EPB41L3: variants seen among roughly 807,000 people sequenced by gnomAD.
EPB41L3 encodes erythrocyte membrane protein band 4.1 like 3, also known as band 4.1-like protein 3.
Under a neutral mutation model 127.1 loss-of-function variants are expected in EPB41L3, and 57 were observed. The ratio of observed to expected loss-of-function variants is 0.45; its 90% confidence interval spans 0.36 to 0.56. The LOEUF (loss-of-function observed/expected upper bound fraction) is 0.56. EPB41L3 is among the 20% of genes least tolerant of loss of function. EPB41L3 has a pLI of 0.00. For synonymous variants in EPB41L3, 572 were observed against 549.5 expected (o/e 1.04, Z -0.57); for missense variants, 1,273 against 1,372.2 (o/e 0.93, Z 1.14).
chr18:5,403,440 A>G (rs190173202), intron 16 of EPB41L3, among the ~76,000 whole-genome samples: 5 of 152,260 alleles, frequency 3.3e-5, no homozygotes, highest in Admixed American at 3.3e-4. Context: ...TTTTCTTTGA[A>G]TTGTTCATAA....
At chr18:5,578,286 A>G (rs569314807) in intron 3 of EPB41L3, among the ~76,000 whole-genome samples, 1 of 152,332 alleles carries the variant, frequency 6.6e-6, no homozygotes, top group South Asian at 2.1e-4. Context: ...AGATCTCAAA[A>G]TGATCAAGAA....
intron 1 of EPB41L3, among the ~76,000 whole-genome samples, chr18:5,526,878 T>G (rs2093240350): frequency 6.6e-6 from 1 of 152,184 alleles, no homozygotes; most frequent in Non-Finnish European, 1.5e-5. Flanking sequence ...CTTATCTACT[T>G]GGTGCTTAAC....
chr18:5,404,061 T>C (rs368436250), intron 16 of EPB41L3, among the ~76,000 whole-genome samples: 2 of 152,212 alleles, frequency 1.3e-5, no homozygotes, highest in South Asian at 4.1e-4. Context: ...GGGCCCTCAA[T>C]TGGAGTATAA....
rs1249736999 is a variant in EPB41L3, at chr18:5,406,928, G to C, written c.2198C>G (p.Thr733Ser). The C allele has an allele frequency of 6.2e-7, 1 of 1,614,042 alleles. No homozygotes were observed. The highest frequency in any genetic ancestry group is 1.3e-5 in the African/African-American group (1 of 74,932). Residue 733 changes from threonine (T) to serine (S), a missense_variant, in exon 16 of 23, where the codon ACC becomes AGC. Coordinates refer to ENST00000341928, the MANE Select transcript of EPB41L3 (RefSeq NM_012307.5). The part of the protein sequence containing the change: ...KTQDDLMKHQ[T>S]NISELKRTFL... ...GGTTCTTTTCAGCTCGCTAATGTTG[G>C]TTTGATGTTTCATCAGGTCATCTTG...
intron 3 of EPB41L3, among the ~76,000 whole-genome samples, chr18:5,453,273 T>C (rs1369893153): frequency 1.3e-5 from 2 of 152,306 alleles, no homozygotes; most frequent in East Asian, 1.9e-4. Context: ...AACTGTCTTT[T>C]AGCCTTGGAA....
intron 13 of EPB41L3, among the ~76,000 whole-genome samples, chr18:5,415,133 T>A (rs914050077): frequency 1.2e-4 from 19 of 152,262 alleles, no homozygotes; most frequent in African/African-American, 4.6e-4. Flanking sequence ...TTAGTCCTTT[T>A]CTGATTGTGT....
At chr18:5,501,392 A>G (rs2091735542) in intron 1 of EPB41L3, among the ~76,000 whole-genome samples, 1 of 152,158 alleles carries the variant, frequency 6.6e-6, no homozygotes. Context: ...ATTCAATCTG[A>G]CCCCTAAAGC....
chr18:5,451,079 A>T (rs2082222975), intron 3 of EPB41L3, among the ~76,000 whole-genome samples: 1 of 152,200 alleles, frequency 6.6e-6, no homozygotes, highest in African/African-American at 2.4e-5. Flanking sequence ...TCTAATCCGA[A>T]TCATTCCTTC....
chr18:5,489,435 G>A (rs191069879), intron 1 of EPB41L3: 22 of 456,566 alleles, frequency 4.8e-5, no homozygotes, highest in African/African-American at 4.1e-4. Flanking sequence ...AATGATCACA[G>A]GCTTTATTCC....
intron 3 of EPB41L3, among the ~76,000 whole-genome samples, chr18:5,467,835 G>A (rs1399879596): frequency 6.6e-6 from 1 of 152,204 alleles, no homozygotes; most frequent in Admixed American, 6.5e-5. Flanking sequence ...AGCTGTAGCA[G>A]GGGAGGCGCG....
intron 3 of EPB41L3, among the ~76,000 whole-genome samples, chr18:5,453,477 GA>G (rs2082574508): frequency 6.6e-6 from 1 of 152,002 alleles, no homozygotes; most frequent in South Asian, 2.1e-4. Context: ...CAATAACGTT[GA>G]AAAATGAAAA....
In EPB41L3 at chr18:5,408,371, T is replaced by G. The variant is rs187178195; in HGVS notation, c.2122-635A>C. ...TCACTGCAACCTCCACCTCCTGGGTTCAAGCAATTCTCCTGCCTCAGCCTC... is the reference window on the plus strand; with the variant it reads ...TCACTGCAACCTCCACCTCCTGGGTGCAAGCAATTCTCCTGCCTCAGCCTC... On this transcript the variant is annotated intron_variant, in intron 14 of 22. Coordinates refer to ENST00000341928, the MANE Select transcript of EPB41L3 (RefSeq NM_012307.5). Among the ~76,000 whole-genome samples, 210 of 151,648 alleles carry G rather than the reference T, an allele frequency of 1.4e-3. 4 individuals are homozygous for G. Among genetic ancestry groups the G allele is most frequent in the Non-Finnish European group, 2.9e-4 (20 of 67,934 alleles).
At chr18:5,544,196 G>T (rs2093835779), upstream of EPB41L3, 20 of 985,554 alleles carry the variant, frequency 2.0e-5, no homozygotes, top group Non-Finnish European at 2.3e-5. Context: ...AGTTACATGG[G>T]CACAGCCTCC....
intron 11 of EPB41L3, chr18:5,420,266 C>CA: frequency 3.5e-6 from 1 of 282,076 alleles, no homozygotes; most frequent in East Asian, 9.7e-5. Context: ...CTGGCACTGG[C>CA]ACCAGTCTCG....
intron 3 of EPB41L3, among the ~76,000 whole-genome samples, chr18:5,579,952 T>G (rs1057429887): frequency 2.0e-4 from 31 of 152,160 alleles, no homozygotes; most frequent in African/African-American, 7.5e-4. Flanking sequence ...ATCAACATTT[T>G]AAAATATGAC....
intron 8 of EPB41L3, among the ~76,000 whole-genome samples, chr18:5,431,776 TA>T (rs1598852973): frequency 2.0e-5 from 3 of 152,174 alleles, no homozygotes; most frequent in South Asian, 4.1e-4. Context: ...TTTAGCCTCT[TA>T]GGGGGAAACA....
At chr18:5,507,673 T>C (rs1182538352) in intron 1 of EPB41L3, among the ~76,000 whole-genome samples, 1 of 152,212 alleles carries the variant, frequency 6.6e-6, no homozygotes, top group East Asian at 1.9e-4. Flanking sequence ...GGGCCATCTT[T>C]TTTAAACCAG....
intron 3 of EPB41L3, among the ~76,000 whole-genome samples, chr18:5,560,558 G>A (rs942749936): frequency 6.6e-6 from 1 of 152,130 alleles, no homozygotes; most frequent in Non-Finnish European, 1.5e-5. Flanking sequence ...TTCTAGATAG[G>A]GGAATTGAGC....
intron 8 of EPB41L3, chr18:5,429,277 C>T (rs183519034): frequency 6.6e-6 from 1 of 152,144 alleles, no homozygotes; most frequent in East Asian, 1.9e-4. Flanking sequence ...CCTTTTGCTA[C>T]TTGCACATTT....
Sources: allele counts gnomAD v4.1 joint callset (sites outside exome capture counted in the v4.1 genomes callset), GRCh38; gene constraint gnomAD v4.1.1; transcripts MANE v1.5; gene names NCBI Gene and HGNC (gene_info 2026-07-23, HGNC 2026-07-21).